AUTS2: variants seen among roughly 807,000 people sequenced by gnomAD.
AUTS2 encodes activator of transcription and developmental regulator AUTS2, also known as autism susceptibility gene 2 protein.
Under a neutral mutation model 112.4 loss-of-function variants are expected in AUTS2, and 17 were observed. The ratio of observed to expected loss-of-function variants is 0.15; its 90% CI spans 0.10 to 0.23. The LOEUF is 0.23. Ranked by LOEUF, AUTS2 falls within the 10% of genes least tolerant of loss-of-function variation. AUTS2 has a pLI of 1.00. For missense variants in AUTS2, 1,510 were observed against 1,701.6 expected, an observed-to-expected ratio of 0.89 and a Z score of 1.98; for synonymous variants, 751 against 702.7, an observed-to-expected ratio of 1.07 and a Z score of -1.09.
intron 2 of AUTS2, among the ~76,000 whole-genome samples, chr7:70,039,330 A>G (rs59185165): frequency 0.032 from 4,864 of 151,504 alleles, 277 homozygotes; most frequent in African/African-American, 0.11. Context: ...AGGTCTTCTG[A>G]TCATGGTTCA....
chr7:70,237,640 G>A (rs552059192), intron 4 of AUTS2, among the ~76,000 whole-genome samples: 3 of 152,230 alleles, frequency 2.0e-5, no homozygotes, highest in Admixed American at 1.3e-4. Flanking sequence ...TCAATTTGTT[G>A]ATTGCTTTTT....
intron 4 of AUTS2, among the ~76,000 whole-genome samples, chr7:70,238,664 G>GGT (rs758944331): frequency 1.3e-5 from 2 of 148,332 alleles, no homozygotes; most frequent in African/African-American, 4.9e-5. Context: ...TATTATTAGT[G>GGT]TTTTTTTTTT....
intron 5 of AUTS2, among the ~76,000 whole-genome samples, chr7:70,583,171 G>A (rs1802529177): frequency 6.6e-6 from 1 of 152,222 alleles, no homozygotes; most frequent in Non-Finnish European, 1.5e-5. Context: ...GGAAGCTTAG[G>A]CGGAGGGAAG....
chr7:70,301,757 T>C (rs545864106), intron 4 of AUTS2, among the ~76,000 whole-genome samples: 2 of 152,162 alleles, frequency 1.3e-5, no homozygotes, highest in South Asian at 2.1e-4. Flanking sequence ...CCAAAAGGAA[T>C]GGTGACAGAC....
At chr7:70,373,446 AT>A (rs1196086953) in intron 4 of AUTS2, among the ~76,000 whole-genome samples, 2 of 152,118 alleles carry the variant, frequency 1.3e-5, no homozygotes, top group Admixed American at 6.6e-5. Flanking sequence ...TTATTTATTT[AT>A]TTTTTTGGTT....
intron 4 of AUTS2, among the ~76,000 whole-genome samples, chr7:70,410,398 T>TTTATTTA (rs1554394749): frequency 2.7e-4 from 38 of 140,828 alleles, no homozygotes; most frequent in Non-Finnish European, 3.7e-4. Context: ...AGGGTTTGTC[T>TTTATTTA]TTTATTTATT....
rs368295407 is a variant in AUTS2 at position 70,607,689 on chromosome 7, C to T, written c.691-90880C>T. Among the ~76,000 whole-genome samples, 35 of 152,294 alleles carry T rather than the reference C, an allele frequency of 2.3e-4. No individual in the cohort carries two copies. In the South Asian group the frequency reaches 7.1e-3, roughly 31 times the overall value. On this transcript the variant is annotated intron_variant, in intron 5 of 18. Transcript: ENST00000342771. ...AGTTGAGATGCAGATGAATTTGGCA[C>T]ATGTTCATGTTGATGTTGCCCATGT...
At chr7:69,966,842 A>G (rs1405228545) in intron 2 of AUTS2, among the ~76,000 whole-genome samples, 2 of 152,178 alleles carry the variant, frequency 1.3e-5, no homozygotes, top group African/African-American at 4.8e-5. Context: ...TAGTAGTATA[A>G]CAAAAATAAA....
intron 5 of AUTS2, chr7:70,596,788 A>G (rs1271935077): frequency 6.6e-6 from 1 of 151,948 alleles, no homozygotes; most frequent in African/African-American, 2.4e-5. Context: ...AGAGGACCCA[A>G]CTCCTGACCA....
intron 4 of AUTS2, among the ~76,000 whole-genome samples, chr7:70,427,156 C>T (rs929520731): frequency 2.6e-5 from 4 of 152,206 alleles, no homozygotes; most frequent in Admixed American, 2.6e-4. Context: ...TTCACACCAT[C>T]TTCAAAGTCA....
chr7:69,744,777 C>T (rs1787418236), intron 1 of AUTS2, among the ~76,000 whole-genome samples: 1 of 152,126 alleles, frequency 6.6e-6, no homozygotes, highest in African/African-American at 2.4e-5. Context: ...CTGCAGTGAG[C>T]TATAATCACA....
intron 4 of AUTS2, among the ~76,000 whole-genome samples, chr7:70,375,964 G>A (rs1217950811): frequency 6.6e-6 from 1 of 151,858 alleles, no homozygotes; most frequent in Non-Finnish European, 1.5e-5. Flanking sequence ...TGAAATAATG[G>A]CCAGGTTTTA....
chr7:70,620,472 C>G (rs939966705), intron 5 of AUTS2, among the ~76,000 whole-genome samples: 1 of 152,088 alleles, frequency 6.6e-6, no homozygotes, highest in African/African-American at 2.4e-5. Flanking sequence ...ACACCACGCT[C>G]ATCACTGAGA....
intron 2 of AUTS2, among the ~76,000 whole-genome samples, chr7:70,007,582 A>C (rs879902322): frequency 6.6e-6 from 1 of 152,232 alleles, no homozygotes; most frequent in Non-Finnish European, 1.5e-5. Flanking sequence ...CGTGCTTTAC[A>C]TATATTACAC....
At chr7:69,882,665 A>G (rs1035116926) in intron 1 of AUTS2, among the ~76,000 whole-genome samples, 4 of 152,218 alleles carry the variant, frequency 2.6e-5, no homozygotes, top group African/African-American at 9.7e-5. Flanking sequence ...TTTAATCCTA[A>G]TAGCTGCTTC....
intron 1 of AUTS2, among the ~76,000 whole-genome samples, chr7:69,672,137 G>A (rs544701040): frequency 6.6e-6 from 1 of 151,816 alleles, no homozygotes; most frequent in Non-Finnish European, 1.5e-5. Flanking sequence ...TCAGCTCACT[G>A]CAACCTCCGC....
At chr7:70,097,329 A>G (rs139166013) in intron 2 of AUTS2, among the ~76,000 whole-genome samples, 6 of 152,202 alleles carry the variant, frequency 3.9e-5, no homozygotes, top group East Asian at 1.9e-4. Context: ...AAGGCCCTAT[A>G]TAGATCATTC....
intron 1 of AUTS2, among the ~76,000 whole-genome samples, chr7:69,822,745 G>A (rs544338403): frequency 1.3e-5 from 2 of 152,172 alleles, no homozygotes; most frequent in Non-Finnish European, 2.9e-5. Context: ...AGTCTGTGCT[G>A]TTTTCTTTGT....
chr7:70,036,442 G>A (rs974631056), intron 2 of AUTS2, among the ~76,000 whole-genome samples: 7 of 152,200 alleles, frequency 4.6e-5, no homozygotes, highest in Non-Finnish European at 8.8e-5. Context: ...CACCTAAAGT[G>A]AATACTCTTT....
Sources: allele counts gnomAD v4.1 joint callset (sites outside exome capture counted in the v4.1 genomes callset), GRCh38; gene constraint gnomAD v4.1.1; transcripts MANE v1.5; gene names NCBI Gene and HGNC (gene_info 2026-07-23, HGNC 2026-07-21).